The following BDP1 variants were observed in gnomAD, a reference collection of about 807,000 sequenced individuals.
BDP1 encodes BDP1 general transcription factor IIIB subunit, also known as transcription factor TFIIIB component B'' homolog.
BDP1 carries 169 observed loss-of-function variants against 266.6 expected under a neutral mutation model. The ratio of observed to expected loss-of-function variants is 0.63; its 90% CI spans 0.56 to 0.72. The LOEUF is 0.72. BDP1 is among the 30% of genes least tolerant of loss of function. BDP1 has a pLI of 0.00. For synonymous variants in BDP1, 1,090 were observed against 1,022.4 expected (o/e 1.07, Z -1.26); for missense variants, 3,015 against 3,053.8 (o/e 0.99, Z 0.30).
chr5:71,477,900 G>A (rs1416623714), intron 7 of BDP1, among the ~76,000 whole-genome samples: 1 of 152,048 alleles, frequency 6.6e-6, no homozygotes, highest in African/African-American at 2.4e-5. Context: ...ATTGCAGGCT[G>A]AGCCACCATA....
chr5:71,518,187 G>A (rs910137291), intron 22 of BDP1, among the ~76,000 whole-genome samples: 4 of 151,910 alleles, frequency 2.6e-5, no homozygotes. Flanking sequence ...ATAGTTCTTG[G>A]TCCATCTAAC....
At chr5:71,497,193 T>G in intron 12 of BDP1, 77 bp from the exon 13 acceptor site, 1 of 1,342,706 alleles carries the variant, frequency 7.4e-7, no homozygotes, top group South Asian at 1.4e-5. Context: ...TCTTCCTAAT[T>G]CTCAGTAGGT....
rs34252624 is a variant in BDP1, at chr5:71,513,063, CAAA to C, written c.4248-99_4248-97del. 0.11 allele frequency: 43,928 copies of C among 399,756 alleles called. 8 individuals carry two copies. The highest frequency in any genetic ancestry group is 0.14 in the Middle Eastern group (210 of 1,492). 24.8% of individuals were successfully genotyped at this position (399,756 alleles called of 1,614,324 possible). A position where few individuals can be genotyped will look rare whatever the true frequency, so the allele number is the denominator to read the frequency against. The stretch of plus-strand genomic sequence containing the variant: ...GGGGGATAGAACAAGACCCTGTCTC[CAAA>C]AAAAAAAAAAAAAAAAAAAAAATTA... On this transcript the variant is annotated intron_variant, in intron 18 of 38. Transcript: ENST00000358731.
intron 26 of BDP1, among the ~76,000 whole-genome samples, chr5:71,538,560 T>C (rs1766775573): frequency 6.6e-6 from 1 of 152,236 alleles, no homozygotes; most frequent in Admixed American, 6.5e-5. Context: ...TCAGTTTCAC[T>C]GAGGAGTGGG....
Position 71,521,169 on chromosome 5 carries a change from A to G in BDP1, c.4992-1120A>G, listed in dbSNP as rs574999685. ...ACCATTGCACTCCAGCCTGGGTGAC[A>G]AGAGCGAAACTCCGTCTCAAAAAAA... is the stretch of plus-strand genomic sequence containing the variant. On this transcript the variant is annotated intron_variant, in intron 22 of 38. Coordinates refer to ENST00000358731, the MANE Select transcript of BDP1 (RefSeq NM_018429.3). Among the ~76,000 whole-genome samples the G allele has an allele frequency of 4.5e-3, 673 of 150,954 alleles. 8 individuals are homozygous for G. Among genetic ancestry groups the G allele is most frequent in the African/African-American group, 0.016 (639 of 41,002 alleles).
chr5:71,523,150 A>G (rs1235034416), intron 24 of BDP1, among the ~76,000 whole-genome samples: 1 of 152,088 alleles, frequency 6.6e-6, no homozygotes, highest in Non-Finnish European at 1.5e-5. Context: ...AATAAAGAAT[A>G]CCCTACTTCT....
chr5:71,461,442 C>CAA (rs75086006), intron 2 of BDP1, among the ~76,000 whole-genome samples: 1 of 128,884 alleles, frequency 7.8e-6, no homozygotes. Flanking sequence ...CCATCTCTAC[C>CAA]AAAAAAAAAA....
rs781321802 is a variant in BDP1 at position 71,545,111 on chromosome 5, A to G, written c.6636A>G (p.Thr2212=). Residue 2212 remains threonine, a synonymous_variant, in exon 32 of 39, where the codon ACA becomes ACG. Coordinates refer to ENST00000358731, the MANE Select transcript of BDP1 (RefSeq NM_018429.3). ...LSVAPVASSE[T]GPCTLGLDRG... ...TTGCTCCAGTTGCTTCCTCTGAGACAGGGCCCTGCACACTTGGTTTGGATA... is the reference window on the plus strand; with the variant it reads ...TTGCTCCAGTTGCTTCCTCTGAGACGGGGCCCTGCACACTTGGTTTGGATA... 1 of 1,613,666 alleles carries G rather than the reference A, an allele frequency of 6.2e-7. No individual in the cohort carries two copies. The highest frequency in any genetic ancestry group is 8.5e-7 in the Non-Finnish European group (1 of 1,179,810).
intron 25 of BDP1, among the ~76,000 whole-genome samples, chr5:71,527,402 TTC>T (rs1765954820): frequency 1.3e-5 from 2 of 152,160 alleles, no homozygotes; most frequent in Non-Finnish European, 2.9e-5. Context: ...AAAACTGAAA[TTC>T]TATACCCATT....
chr5:71,531,401 T>A (rs1300019212), intron 25 of BDP1, among the ~76,000 whole-genome samples: 3 of 152,200 alleles, frequency 2.0e-5, no homozygotes, highest in Admixed American at 2.0e-4. Context: ...TGAGTGAACT[T>A]CTTATTTTAC....
downstream of BDP1, among the ~76,000 whole-genome samples, chr5:71,570,481 T>C (rs1356895088): frequency 6.6e-6 from 1 of 152,198 alleles, no homozygotes; most frequent in Non-Finnish European, 1.5e-5. Flanking sequence ...AGACTTGAGT[T>C]TGGTTCTTGC....
chr5:71,513,037 T>C, intron 18 of BDP1, 148 bp from the exon 19 acceptor site: 1 of 541,206 alleles, frequency 1.8e-6, no homozygotes, highest in Admixed American at 4.6e-5. Context: ...CACTCCAGCC[T>C]GGGGGATAGA....
chr5:71,574,094 C>A, the BDP1 span, among the ~76,000 whole-genome samples: 1 of 152,184 alleles, frequency 6.6e-6, no homozygotes, highest in African/African-American at 2.4e-5. Context: ...CTTCATCGAT[C>A]TACAATGTCA....
At position 71,483,846 on chromosome 5, in the gene BDP1, A is replaced by C; in HGVS notation, c.1019A>C (p.Lys340Thr). 1 of 1,610,146 alleles carries C rather than the reference A, an allele frequency of 6.2e-7. No homozygotes were observed. The highest frequency in any genetic ancestry group is 8.5e-7 in the Non-Finnish European group (1 of 1,177,434). The stretch of plus-strand genomic sequence containing the variant: ...AGGGTTTTTTGTTGTTAACAGAATA[A>C]ATTTAAACGGGAAGAGAAAACAAAT... ...PHRARIEIKN[K>T]FKREEKTNGW... is the part of the protein sequence containing the mutation. Residue 340 changes from lysine to threonine, a missense_variant, in exon 8 of 39, where the codon AAA (lysine) becomes ACA (threonine). By Grantham distance (78) the Lys-to-Thr change is moderately conservative. Coordinates refer to ENST00000358731, the MANE Select transcript of BDP1 (RefSeq NM_018429.3).
chr5:71,497,979 G>A (rs2150429894), intron 13 of BDP1, among the ~76,000 whole-genome samples: 1 of 151,354 alleles, frequency 6.6e-6, no homozygotes, highest in East Asian at 1.9e-4. Flanking sequence ...TTGAGACGGA[G>A]TCTCACTGTC....
In BDP1 at chr5:71,549,528, C is replaced by T; in HGVS notation, c.6917C>T (p.Ala2306Val). Residue 2306 changes from alanine to valine, a missense_variant, in exon 34 of 39, where the codon GCA (alanine) becomes GTA (valine). By Grantham distance (64) the Ala-to-Val change is moderately conservative (BLOSUM62 0). Around this residue, in one of 3 missense-constraint regions of BDP1, gnomAD observed 629 missense variants for 632.5 expected, o/e 0.99. Coordinates refer to ENST00000358731, the MANE Select transcript of BDP1 (RefSeq NM_018429.3). ...NAVEEFTDATAQFMPNPLLPA... is the reference protein window; with the variant it reads ...NAVEEFTDATVQFMPNPLLPA... ...GTAGAAGAATTTACTGATGCCACTG[C>T]ACAGTTCATGCCAAACCCTTTACTG... is the stretch of plus-strand genomic sequence containing the variant. 1 of 1,614,090 alleles carries T rather than the reference C, an allele frequency of 6.2e-7. No homozygotes were observed. The highest frequency in any genetic ancestry group is 8.5e-7 in the Non-Finnish European group (1 of 1,179,980).
chr5:71,459,732 T>C (rs1761424755), intron 2 of BDP1, among the ~76,000 whole-genome samples: 1 of 152,204 alleles, frequency 6.6e-6, no homozygotes, highest in African/African-American at 2.4e-5. Context: ...TTCATTTCTT[T>C]ACTAGCTTTG....
chr5:71,464,007 GA>G, intron 3 of BDP1, 50 bp from the exon 4 acceptor site: 1 of 1,041,288 alleles, frequency 9.6e-7, no homozygotes, highest in Non-Finnish European at 1.4e-6. Context: ...ATAGAATTGG[GA>G]AGATATAAAT....
At chr5:71,465,705 A>C (rs1245501015) in intron 4 of BDP1, among the ~76,000 whole-genome samples, 1 of 152,080 alleles carries the variant, frequency 6.6e-6, no homozygotes. Context: ...ACATCGTGAA[A>C]ACCCGTCTCT....
Sources: gnomAD v4.1 joint callset for allele counts (sites outside exome capture counted in the v4.1 genomes callset) on GRCh38, gnomAD v4.1.1 for gene constraint, gnomAD v4.1.1 regional missense constraint, MANE v1.5 for transcripts, NCBI Gene and HGNC (gene_info 2026-07-23, HGNC 2026-07-21) for gene names.